CDK18: variants seen among roughly 807,000 people sequenced by gnomAD.
The protein encoded by CDK18 is cyclin dependent kinase 18.
In CDK18, 52 loss-of-function variants were observed where a neutral mutation model predicts 62.0. That is an observed-to-expected ratio of 0.84 (90% CI 0.67 to 1.06). The LOEUF is 1.06. Ranked by LOEUF, CDK18 falls within the 50% of genes least tolerant of loss-of-function variation. The pLI is 0.00. For missense variants in CDK18, 604 were observed against 619.9 expected (o/e 0.97, Z 0.27); for synonymous variants, 237 against 247.0 (o/e 0.96, Z 0.38).
In CDK18 at chr1:205,527,503, G is replaced by T. The variant is rs1400402603; in HGVS notation, c.730-291G>T. ...CTAAAAGAAAAAAAAAAAAAAAAGG[G>T]ATCAAGCACATATGTCTCCACATAG... is the stretch of plus-strand genomic sequence containing the variant. On this transcript the variant is annotated intron_variant, in intron 8 of 15. Transcript: ENST00000429964. The surrounding 1 kb of genome is among the most constrained non-coding windows in gnomAD (Gnocchi z 4.1). 9.8e-6 allele frequency: 3 copies of T among 305,276 alleles called. No individual in the cohort carries two copies. The highest frequency in any genetic ancestry group is 1.8e-5 in the Non-Finnish European group (3 of 164,388). 18.9% of individuals were successfully genotyped at this position (305,276 alleles called of 1,614,324 possible).
intron 3 of CDK18, 126 bp from the exon 4 acceptor site, chr1:205,524,106 C>T (rs1366200971): frequency 8.9e-7 from 1 of 1,128,114 alleles, no homozygotes; most frequent in African/African-American, 1.5e-5. Context: ...GGGTCACAGC[C>T]TGTGATTGGG....
At position 205,529,059 on chromosome 1, in the gene CDK18, A is replaced by T. The variant is rs199542040; in HGVS notation, c.1035A>T (p.Thr345=). The T allele has an allele frequency of 3.8e-6, 6 of 1,595,088 alleles. No individual in the cohort carries two copies. Among genetic ancestry groups the T allele is most frequent in the Non-Finnish European group, 5.1e-6 (6 of 1,171,420 alleles). ...ATGRPLFPGS[T]VKEELHLIFR... ...GGAGGCCCCTCTTCCCGGGCTCCAC[A>T]GTCAAGGAGGAGCTGCACCTCATCT... Residue 345 remains threonine, a synonymous_variant, in exon 11 of 16, where the codon ACA becomes ACT. Transcript: ENST00000429964.
rs1180367442 is a variant in CDK18 at position 205,528,588 on chromosome 1, C to T, written c.975-411C>T. Reference sequence around the variant, plus strand: ...CAGCCCAAATTGCAAGCCAAGCCGCCGGTGGTTATGAATGGCTGCTGTGAC... The same window carrying T: ...CAGCCCAAATTGCAAGCCAAGCCGCTGGTGGTTATGAATGGCTGCTGTGAC... On this transcript the variant is annotated intron_variant, in intron 10 of 15. Coordinates refer to ENST00000429964, the MANE Select transcript of CDK18 (RefSeq NM_212502.3). This position sits in a 1 kb window ranked among gnomAD's most constrained non-coding sequence, Gnocchi z 4.2. 7 of 253,544 alleles carry T rather than the reference C, an allele frequency of 2.8e-5. No individual in the cohort carries two copies. The highest frequency in any genetic ancestry group is 4.5e-5 in the Non-Finnish European group (6 of 133,866). The allele number at this position is 253,544 out of a possible 1,614,324, so 15.7% of individuals were successfully genotyped here. A position where few individuals can be genotyped will look rare whatever the true frequency, so the allele number is the denominator to read the frequency against.
At chr1:205,529,724 A>G in intron 13 of CDK18, 161 bp downstream of exon 13, 1 of 1,538,842 alleles carries the variant, frequency 6.5e-7, no homozygotes, top group South Asian at 1.2e-5. Flanking sequence ...GGTGGCCTCC[A>G]TACACATCCT....
intron 1 of CDK18, among the ~76,000 whole-genome samples, chr1:205,512,353 C>T (rs543849423): frequency 6.6e-6 from 1 of 152,138 alleles, no homozygotes; most frequent in South Asian, 2.1e-4. Context: ...AGGAGGAGAC[C>T]CAGGCAGCCA....
intron 1 of CDK18, among the ~76,000 whole-genome samples, chr1:205,512,204 T>C (rs747304503): frequency 3.0e-4 from 46 of 152,148 alleles, no homozygotes; most frequent in Admixed American, 7.8e-4. Context: ...TGGTTTCCAC[T>C]TCGGGAGGGG....
chr1:205,524,057 G>A (rs1203695240), intron 3 of CDK18, among the ~76,000 whole-genome samples, 175 bp from the exon 4 acceptor site: 1 of 152,206 alleles, frequency 6.6e-6, no homozygotes, highest in Non-Finnish European at 1.5e-5. Context: ...GTGTTCACGT[G>A]TATGTCTTGA....
intron 1 of CDK18, among the ~76,000 whole-genome samples, chr1:205,514,970 G>A (rs2102282330): frequency 6.6e-6 from 1 of 152,258 alleles, no homozygotes; most frequent in African/African-American, 2.4e-5. Context: ...GGGAAAAATT[G>A]AGGAAGGGCA....
chr1:205,505,457 G>T (rs894838274), intron 1 of CDK18, among the ~76,000 whole-genome samples: 1 of 70,064 alleles, frequency 1.4e-5, no homozygotes, highest in African/African-American at 3.1e-5. Flanking sequence ...GACCAAAGGG[G>T]CAGTGCCCCC....
intron 1 of CDK18, among the ~76,000 whole-genome samples, chr1:205,513,635 A>G (rs1341096854): frequency 6.6e-6 from 1 of 152,160 alleles, no homozygotes; most frequent in Non-Finnish European, 1.5e-5. Flanking sequence ...TGTAGGGGTC[A>G]AGGCCAACAT....
chr1:205,512,185 C>T (rs920400795), intron 1 of CDK18, among the ~76,000 whole-genome samples: 1 of 152,120 alleles, frequency 6.6e-6, no homozygotes, highest in African/African-American at 2.4e-5. Flanking sequence ...GTCATCAGCA[C>T]GCGGGTGGTG....
Position 205,526,389 on chromosome 1 carries a change from G to A in CDK18, c.594G>A (p.Lys198=), listed in dbSNP as rs1348135638. The change falls in exon 7 of 16, where the codon AAG becomes AAA. Residue 198 remains lysine, a synonymous_variant. Coordinates refer to ENST00000429964, the MANE Select transcript of CDK18 (RefSeq NM_212502.3). Reference sequence around the variant, plus strand: ...CAGTGTCTCTGCTGAAGAACCTGAAGCACGCCAATATTGTGACCCTGCATG... The same window carrying A: ...CAGTGTCTCTGCTGAAGAACCTGAAACACGCCAATATTGTGACCCTGCATG... ...IREVSLLKNL[K]HANIVTLHDL... 6.2e-7 allele frequency: 1 copy of A among 1,614,112 alleles called. No homozygotes were observed. Among genetic ancestry groups the A allele is most frequent in the Non-Finnish European group, 8.5e-7 (1 of 1,179,960 alleles).
chr1:205,524,405 C>G (rs1668313374), intron 4 of CDK18, 48 bp downstream of exon 4: 2 of 1,606,192 alleles, frequency 1.2e-6, no homozygotes, highest in East Asian at 2.2e-5. Context: ...GATATGCCCT[C>G]CCCAGCATGG....
At chr1:205,508,180 C>T (rs1259455174) in intron 1 of CDK18, among the ~76,000 whole-genome samples, 2 of 152,254 alleles carry the variant, frequency 1.3e-5, no homozygotes, top group African/African-American at 4.8e-5. Flanking sequence ...TTCTCTTCCT[C>T]GGCTCTGTGT....
chr1:205,506,375 ACT>A (rs1667306029), intron 1 of CDK18, among the ~76,000 whole-genome samples: 1 of 150,424 alleles, frequency 6.6e-6, no homozygotes, highest in Non-Finnish European at 1.5e-5. Context: ...GGTTCCCAGG[ACT>A]CTCCCCACTG....
At chr1:205,506,176 G>T (rs11799367) in intron 1 of CDK18, among the ~76,000 whole-genome samples, 26,916 of 152,084 alleles carry the variant, frequency 0.18, 3,504 homozygotes, top group Admixed American at 0.32. Flanking sequence ...GCTGAGGGTC[G>T]GTGGAGTACA....
intron 1 of CDK18, among the ~76,000 whole-genome samples, chr1:205,505,463 C>G (rs1013265313): frequency 1.1e-4 from 8 of 70,174 alleles, no homozygotes; most frequent in African/African-American, 2.1e-4. Flanking sequence ...AGGGGCAGTG[C>G]CCCCCTCCAC....
At chr1:205,508,441 G>T (rs1441316886) in intron 1 of CDK18, among the ~76,000 whole-genome samples, 1 of 152,230 alleles carries the variant, frequency 6.6e-6, no homozygotes, top group African/African-American at 2.4e-5. Flanking sequence ...CCTGGCTGGA[G>T]CTGGCCAGTG....
chr1:205,505,882 C>G (rs1241131168), intron 1 of CDK18, among the ~76,000 whole-genome samples: 1 of 152,172 alleles, frequency 6.6e-6, no homozygotes, highest in Non-Finnish European at 1.5e-5. Context: ...CTATCTGCTA[C>G]TGTCTCCCCT....
Sources: gnomAD v4.1 joint callset for allele counts (sites outside exome capture counted in the v4.1 genomes callset) on GRCh38, gnomAD v4.1.1 for gene constraint, Gnocchi (gnomAD v3.1) non-coding constraint, MANE v1.5 for transcripts, NCBI Gene and HGNC (gene_info 2026-07-23, HGNC 2026-07-21) for gene names.